Variants in RHOQ observed in about 807,000 individuals in gnomAD.
RHOQ encodes ras homolog family member Q, also known as rho-related GTP-binding protein RhoQ.
Under a neutral mutation model 25.8 loss-of-function variants are expected in RHOQ, and 7 were observed. That is an observed-to-expected ratio of 0.27 (90% CI 0.15 to 0.51). The LOEUF (loss-of-function observed/expected upper bound fraction) is 0.51. RHOQ is among the 20% of genes least tolerant of loss of function. The pLI is 0.97. For missense variants in RHOQ, 165 were observed against 260.6 expected, an observed-to-expected ratio of 0.63 and a Z score of 2.53; for synonymous variants, 97 against 98.6, an observed-to-expected ratio of 0.98 and a Z score of 0.10.
intron 2 of RHOQ, among the ~76,000 whole-genome samples, chr2:46,559,201 G>A (rs770310791): frequency 2.0e-5 from 3 of 152,078 alleles, no homozygotes; most frequent in Non-Finnish European, 4.4e-5. Context: ...TTGCCATGTT[G>A]TCCAAGCTGG....
chr2:46,544,692 C>T (rs922033007), intron 2 of RHOQ, among the ~76,000 whole-genome samples: 5 of 152,208 alleles, frequency 3.3e-5, no homozygotes, highest in Admixed American at 6.5e-5. Flanking sequence ...TAGAATCCAG[C>T]ACTATGATTA....
intron 2 of RHOQ, among the ~76,000 whole-genome samples, chr2:46,574,193 TC>T (rs1319117576): frequency 6.6e-6 from 1 of 152,204 alleles, no homozygotes; most frequent in Non-Finnish European, 1.5e-5. Flanking sequence ...GTATCCCCAT[TC>T]CTATTTCTGT....
rs1005477244 is a variant in RHOQ, at chr2:46,582,999, G to T, written c.*1916G>T. 6.6e-6 allele frequency: 1 copy of T among 151,820 alleles called. No individual in the cohort carries two copies. The highest frequency in any genetic ancestry group is 2.4e-5 in the African/African-American group (1 of 41,306). The allele number at this position is 151,820 out of a possible 1,614,324, so 9.4% of individuals were successfully genotyped here. A position where few individuals can be genotyped will look rare whatever the true frequency, so the allele number is the denominator to read the frequency against. Reference sequence around the variant, plus strand: ...TTATGTAACTTTCTTATTTAATTTTGGTCTGCTTATTTTTAGATAAAATTG... The same window carrying T: ...TTATGTAACTTTCTTATTTAATTTTTGTCTGCTTATTTTTAGATAAAATTG... On this transcript the variant is annotated 3_prime_UTR_variant, in exon 5 of 5. Transcript: ENST00000238738.
Position 46,576,261 on chromosome 2 carries a change from G to C in RHOQ, c.366+10G>C. 1.2e-6 allele frequency: 2 copies of C among 1,601,926 alleles called. No homozygotes were observed. The highest frequency in any genetic ancestry group is 1.4e-5 in the African/African-American group (1 of 73,982). On this transcript the variant is annotated intron_variant, in intron 3 of 4. Transcript: ENST00000238738. This position sits in a 1 kb window ranked among gnomAD's most constrained non-coding sequence, Gnocchi z 5.1. The stretch of plus-strand genomic sequence containing the variant: ...ATTAATAGGAACTCAGGTATGTCTG[G>C]TTTGATTTTCTGCATTTTAGAATAA...
intron 2 of RHOQ, among the ~76,000 whole-genome samples, chr2:46,546,497 TATATATATATATATGTATATAC>T (rs70940625): frequency 0.068 from 1,442 of 21,062 alleles, 213 homozygotes; most frequent in South Asian, 0.13. Flanking sequence ...TATATATATA[TATATATATATATATGTATATAC>T]ATATATATAT....
In RHOQ at chr2:46,581,243, C is replaced by T. The variant is rs1380061698; in HGVS notation, c.*160C>T. ...TCTATAAAGTGTATTAAGAATGTTC[C>T]TTAAAGGTTTAAGAAGCAGTAAGCA... is the stretch of plus-strand genomic sequence containing the variant. On this transcript the variant is annotated 3_prime_UTR_variant, in exon 5 of 5. Coordinates refer to ENST00000238738, the MANE Select transcript of RHOQ (RefSeq NM_012249.4). 9.9e-7 allele frequency: 1 copy of T among 1,006,752 alleles called. No individual in the cohort carries two copies. Among genetic ancestry groups the T allele is most frequent in the Non-Finnish European group, 1.4e-6 (1 of 701,660 alleles). The allele number at this position is 1,006,752 out of a possible 1,614,324, so 62.4% of individuals were successfully genotyped here. A position where few individuals can be genotyped will look rare whatever the true frequency, so the allele number is the denominator to read the frequency against.
At chr2:46,549,161 A>G (rs1341865385) in intron 2 of RHOQ, among the ~76,000 whole-genome samples, 1 of 152,074 alleles carries the variant, frequency 6.6e-6, no homozygotes, top group Non-Finnish European at 1.5e-5. Context: ...CCACGCTTTG[A>G]ACGACAGCTT....
intron 2 of RHOQ, among the ~76,000 whole-genome samples, chr2:46,574,119 C>T (rs568146890): frequency 7.6e-4 from 115 of 152,260 alleles, no homozygotes; most frequent in African/African-American, 2.5e-3. Context: ...CTTCGATGTG[C>T]GAGGTGTTAT....
chr2:46,576,481 G>T lies in RHOQ; in HGVS notation c.367-80G>T. 1.1e-6 allele frequency: 1 copy of T among 927,018 alleles called. No individual in the cohort carries two copies. The highest frequency in any genetic ancestry group is 1.6e-6 in the Non-Finnish European group (1 of 606,776). 57.4% of individuals were successfully genotyped at this position (927,018 alleles called of 1,614,324 possible). A position where few individuals can be genotyped will look rare whatever the true frequency, so the allele number is the denominator to read the frequency against. On this transcript the variant is annotated intron_variant, in intron 3 of 4. Transcript: ENST00000238738. The surrounding 1 kb of genome is among the most constrained non-coding windows in gnomAD (Gnocchi z 5.1). The stretch of plus-strand genomic sequence containing the variant: ...TGTTTAATCTTTTTTTGGTATGTGG[G>T]AATTAAGTGGGATTACATGCTTTGA...
intron 2 of RHOQ, among the ~76,000 whole-genome samples, chr2:46,567,240 A>G (rs1668762647): frequency 6.6e-6 from 1 of 152,178 alleles, no homozygotes; most frequent in Non-Finnish European, 1.5e-5. Flanking sequence ...GCCTGCACCT[A>G]TTAGGTAAAA....
In RHOQ at chr2:46,577,684, G is replaced by A. The variant is rs1669183189; in HGVS notation, c.462+1028G>A. Among the ~76,000 whole-genome samples, 7 of 149,932 alleles carry A rather than the reference G, an allele frequency of 4.7e-5. 1 individual carries two copies. The South Asian group carries it at 1.5e-3, about 32-fold the overall frequency. On this transcript the variant is annotated intron_variant, in intron 4 of 4. Transcript: ENST00000238738. ...CCCACCTCATCCTCCCAAAGTGCTA[G>A]GATTACAGGCATGAGCCACCGCGCC...
intron 2 of RHOQ, among the ~76,000 whole-genome samples, chr2:46,547,413 A>G (rs945372724): frequency 6.6e-6 from 1 of 152,194 alleles, no homozygotes; most frequent in Non-Finnish European, 1.5e-5. Flanking sequence ...GCTGCTTTCC[A>G]CTTGACCTCT....
chr2:46,560,055 T>C lies in RHOQ; in HGVS notation c.202-16032T>C, dbSNP rs1032929386. Among the ~76,000 whole-genome samples, 4 of 152,188 alleles carry C rather than the reference T, an allele frequency of 2.6e-5. No homozygotes were observed. The East Asian group carries it at 5.8e-4, about 22-fold the overall frequency. On this transcript the variant is annotated intron_variant, in intron 2 of 4. Coordinates refer to ENST00000238738, the MANE Select transcript of RHOQ (RefSeq NM_012249.4). The stretch of plus-strand genomic sequence containing the variant: ...TCATGATAGGGAAGGGGAAAAGGTA[T>C]TAAAAAGCAAACTCGTTCCACCCTC...
intron 2 of RHOQ, among the ~76,000 whole-genome samples, chr2:46,544,664 T>G (rs1440200744): frequency 6.6e-6 from 1 of 152,220 alleles, no homozygotes; most frequent in Non-Finnish European, 1.5e-5. Context: ...GGGGATAAGT[T>G]GTGTGTGATG....
rs373428548 is a variant in RHOQ, at chr2:46,556,486, A to C, written c.201+12674A>C. ...ATTCTTTTTCTTAAAAAATTTTTTT[A>C]ATTTTTTTTTTTTTGTTCCTTTTAA... On this transcript the variant is annotated intron_variant, in intron 2 of 4. Coordinates refer to ENST00000238738, the MANE Select transcript of RHOQ (RefSeq NM_012249.4). This position sits in a 1 kb window ranked among gnomAD's most constrained non-coding sequence, Gnocchi z 4.9. Among the ~76,000 whole-genome samples, 1 of 105,204 alleles carries C rather than the reference A, an allele frequency of 9.5e-6. No individual in the cohort carries two copies. Among genetic ancestry groups the C allele is most frequent in the African/African-American group, 4.1e-5 (1 of 24,126 alleles). 69.0% of individuals were successfully genotyped at this position (105,204 alleles called of 152,430 possible). A position where few individuals can be genotyped will look rare whatever the true frequency, so the allele number is the denominator to read the frequency against.
At chr2:46,545,354 C>T (rs1444911968) in intron 2 of RHOQ, among the ~76,000 whole-genome samples, 2 of 152,160 alleles carry the variant, frequency 1.3e-5, no homozygotes, top group East Asian at 3.9e-4. Context: ...CTTCTCACTA[C>T]CTTCCTTTCT....
At chr2:46,567,527 G>A (rs1018772422) in intron 2 of RHOQ, among the ~76,000 whole-genome samples, 1 of 151,892 alleles carries the variant, frequency 6.6e-6, no homozygotes, top group African/African-American at 2.4e-5. Context: ...CCAAGTAGCT[G>A]GGACTATAGG....
rs1669503204 is a variant in RHOQ at position 46,584,470 on chromosome 2, C to T, written c.*3387C>T. ...TTGTATTTTAATCATTTTGTAATTT[C>T]AGTATGGCTCTTTGTTCTCAAACAC... is the stretch of plus-strand genomic sequence containing the variant. On this transcript the variant is annotated 3_prime_UTR_variant, in exon 5 of 5. Coordinates refer to ENST00000238738, the MANE Select transcript of RHOQ (RefSeq NM_012249.4). 6.6e-6 allele frequency among the ~76,000 whole-genome samples: 1 copy of T among 152,154 alleles called. No individual in the cohort carries two copies. The highest frequency in any genetic ancestry group is 1.5e-5 in the Non-Finnish European group (1 of 68,010).
At position 46,555,506 on chromosome 2, in the gene RHOQ, C is replaced by T. The variant is rs570659437; in HGVS notation, c.201+11694C>T. ...ATATCCATATTGGCTTTCCTATCAG[C>T]TCATTTGAGAGGAAATTCTGACCTG... is the stretch of plus-strand genomic sequence containing the variant. On this transcript the variant is annotated intron_variant, in intron 2 of 4. Transcript: ENST00000238738. The surrounding 1 kb of genome is among the most constrained non-coding windows in gnomAD (Gnocchi z 4.3). Among the ~76,000 whole-genome samples the T allele has an allele frequency of 2.3e-3, 354 of 152,308 alleles. 1 individual carries two copies. The highest frequency in any genetic ancestry group is 4.2e-3 in the Non-Finnish European group (285 of 68,020).
Sources: allele counts gnomAD v4.1 joint callset (sites outside exome capture counted in the v4.1 genomes callset), GRCh38; gene constraint gnomAD v4.1.1; non-coding constraint Gnocchi (gnomAD v3.1); transcripts MANE v1.5; gene names NCBI Gene and HGNC (gene_info 2026-07-23, HGNC 2026-07-21).